Variants in ATXN7L1 observed in about 807,000 individuals in gnomAD.
ATXN7L1 encodes ataxin 7 like 1.
A neutral mutation model predicts 70.8 loss-of-function variants in ATXN7L1; 15 were observed. The ratio of observed to expected loss-of-function variants is 0.21; its 90% CI spans 0.14 to 0.33. The LOEUF (loss-of-function observed/expected upper bound fraction) is 0.33. Ranked by LOEUF, ATXN7L1 falls within the 10% of genes least tolerant of loss-of-function variation. The pLI is 1.00. For synonymous variants in ATXN7L1, 440 were observed against 445.1 expected, an observed-to-expected ratio of 0.99 and a Z score of 0.14; for missense variants, 975 against 1,097.1, an observed-to-expected ratio of 0.89 and a Z score of 1.57.
intron 3 of ATXN7L1, among the ~76,000 whole-genome samples, chr7:105,723,131 G>A (rs1170789803): frequency 6.6e-6 from 1 of 152,164 alleles, no homozygotes; most frequent in East Asian, 1.9e-4. Context: ...GACGTGGGGT[G>A]TATCATTTCA....
chr7:105,811,841 T>C (rs909236904), intron 2 of ATXN7L1, among the ~76,000 whole-genome samples: 5 of 152,118 alleles, frequency 3.3e-5, no homozygotes, highest in Admixed American at 2.6e-4. Context: ...CCTGGCCCCA[T>C]GGCTCCTGGT....
At chr7:105,612,346 C>T (rs1036116671) in intron 10 of ATXN7L1, among the ~76,000 whole-genome samples, 2 of 152,200 alleles carry the variant, frequency 1.3e-5, no homozygotes, top group Admixed American at 6.5e-5. Context: ...CCATCATCTA[C>T]GTGTTAGCTG....
chr7:105,653,483 T>C (rs941827465), intron 4 of ATXN7L1, among the ~76,000 whole-genome samples: 3 of 152,080 alleles, frequency 2.0e-5, no homozygotes, highest in African/African-American at 7.2e-5. Context: ...AAAAACTCTA[T>C]GTTAACAATA....
intron 3 of ATXN7L1, among the ~76,000 whole-genome samples, chr7:105,667,197 C>G (rs1174616488): frequency 2.0e-4 from 31 of 152,184 alleles, no homozygotes; most frequent in African/African-American, 7.5e-4. Flanking sequence ...GGGGTCTCCA[C>G]CCTCCTCATG....
intron 2 of ATXN7L1, among the ~76,000 whole-genome samples, chr7:105,850,702 A>G (rs940607894): frequency 6.6e-6 from 1 of 152,114 alleles, no homozygotes; most frequent in African/African-American, 2.4e-5. Context: ...CAGAAGGGGT[A>G]CCCATGCTCC....
intron 2 of ATXN7L1, among the ~76,000 whole-genome samples, chr7:105,833,166 T>G (rs1339266560): frequency 6.6e-6 from 1 of 152,190 alleles, no homozygotes; most frequent in Non-Finnish European, 1.5e-5. Flanking sequence ...CCTTCCTGCC[T>G]CAGGGTCCTT....
At chr7:105,644,205 G>A (rs1407597740) in intron 4 of ATXN7L1, among the ~76,000 whole-genome samples, 1 of 152,184 alleles carries the variant, frequency 6.6e-6, no homozygotes, top group Non-Finnish European at 1.5e-5. Flanking sequence ...CCACATGGCT[G>A]GCTGGCTGGC....
At chr7:105,848,969 A>G (rs1174899424) in intron 2 of ATXN7L1, among the ~76,000 whole-genome samples, 1 of 152,074 alleles carries the variant, frequency 6.6e-6, no homozygotes, top group Non-Finnish European at 1.5e-5. Flanking sequence ...GCCACTAGCT[A>G]TCACCCCAGT....
intron 3 of ATXN7L1, among the ~76,000 whole-genome samples, chr7:105,683,742 C>T (rs896712853): frequency 6.6e-6 from 1 of 152,142 alleles, no homozygotes; most frequent in African/African-American, 2.4e-5. Context: ...CCACCACACA[C>T]AAACACACGC....
At chr7:105,862,280 G>T (rs1816754701) in intron 2 of ATXN7L1, among the ~76,000 whole-genome samples, 1 of 151,936 alleles carries the variant, frequency 6.6e-6, no homozygotes, top group Admixed American at 6.6e-5. Context: ...AAAAATAATA[G>T]AAAAAATTAG....
intron 2 of ATXN7L1, among the ~76,000 whole-genome samples, chr7:105,814,493 C>T (rs2116548446): frequency 6.6e-6 from 1 of 152,146 alleles, no homozygotes; most frequent in Non-Finnish European, 1.5e-5. Context: ...TGCCCATATA[C>T]ATTAGCATAA....
At chr7:105,610,116 C>A (rs1272497719) in intron 11 of ATXN7L1, among the ~76,000 whole-genome samples, 1 of 152,076 alleles carries the variant, frequency 6.6e-6, no homozygotes, top group Non-Finnish European at 1.5e-5. Context: ...TCACAATAGC[C>A]TTAGGAGGGA....
At chr7:105,664,575 G>GTGTGTATGTGTATATATATATATATATA in intron 4 of ATXN7L1, among the ~76,000 whole-genome samples, 1 of 131,984 alleles carries the variant, frequency 7.6e-6, no homozygotes, top group African/African-American at 2.8e-5. Flanking sequence ...GTATGTGTGT[G>GTGTGTATGTGTATATATATATATATATA]TATATATATA....
intron 2 of ATXN7L1, among the ~76,000 whole-genome samples, chr7:105,840,877 C>T (rs186496243): frequency 6.6e-6 from 1 of 152,274 alleles, no homozygotes; most frequent in Admixed American, 6.5e-5. Context: ...AGTTCTGGCC[C>T]CATGGAGTGA....
chr7:105,708,784 G>T (rs1166185761), intron 3 of ATXN7L1, among the ~76,000 whole-genome samples: 1 of 152,160 alleles, frequency 6.6e-6, no homozygotes, highest in African/African-American at 2.4e-5. Flanking sequence ...AATATTCTGG[G>T]ACATTCTTCT....
intron 2 of ATXN7L1, among the ~76,000 whole-genome samples, chr7:105,800,443 G>A (rs924099392): frequency 6.6e-6 from 1 of 152,174 alleles, no homozygotes; most frequent in South Asian, 2.1e-4. Context: ...GTATTTGCAC[G>A]CTCCTCTGCA....
intron 2 of ATXN7L1, among the ~76,000 whole-genome samples, chr7:105,821,400 C>G (rs1748118647): frequency 6.6e-6 from 1 of 152,226 alleles, no homozygotes; most frequent in South Asian, 2.1e-4. Flanking sequence ...TGCAAAAAAA[C>G]TGACTAACAC....
At chr7:105,682,967 G>T (rs1271965389) in intron 3 of ATXN7L1, among the ~76,000 whole-genome samples, 1 of 152,162 alleles carries the variant, frequency 6.6e-6, no homozygotes, top group Non-Finnish European at 1.5e-5. Context: ...TTTTAAAAAA[G>T]CCTGCAGAAA....
At chr7:105,643,550 C>A (rs1468506859) in intron 4 of ATXN7L1, among the ~76,000 whole-genome samples, 2 of 152,354 alleles carry the variant, frequency 1.3e-5, no homozygotes, top group South Asian at 2.1e-4. Flanking sequence ...CTCAGCTAGT[C>A]CCCCAGCCCG....
Sources: allele counts gnomAD v4.1 joint callset (sites outside exome capture counted in the v4.1 genomes callset), GRCh38; gene constraint gnomAD v4.1.1; transcripts MANE v1.5; gene names NCBI Gene and HGNC (gene_info 2026-07-23, HGNC 2026-07-21).